Variants in SGCZ observed in about 807,000 individuals in gnomAD.
The protein encoded by SGCZ is zeta-sarcoglycan.
In SGCZ, 40 loss-of-function variants were observed where a neutral mutation model predicts 41.3. The observed-to-expected ratio is 0.97, with a 90% CI of 0.75 to 1.26. The LOEUF is 1.26. SGCZ is among the 50% of genes most tolerant of loss of function. SGCZ has a pLI of 0.00. For missense variants in SGCZ, 552 were observed against 369.8 expected (o/e 1.49, Z -4.04); for synonymous variants, 206 against 137.5 (o/e 1.50, Z -3.49).
intron 3 of SGCZ, among the ~76,000 whole-genome samples, chr8:14,270,192 T>A (rs1420133039): frequency 6.6e-6 from 1 of 151,910 alleles, no homozygotes; most frequent in African/African-American, 2.4e-5. Flanking sequence ...ATTAGCTGGT[T>A]GTGGTGACCC....
At chr8:14,408,156 A>G (rs1326947584) in intron 2 of SGCZ, among the ~76,000 whole-genome samples, 1 of 152,156 alleles carries the variant, frequency 6.6e-6, no homozygotes, top group African/African-American at 2.4e-5. Context: ...AAGAAAAATT[A>G]TGATGTTTTT....
intron 1 of SGCZ, among the ~76,000 whole-genome samples, chr8:14,924,920 C>T (rs1445330488): frequency 6.7e-6 from 1 of 149,686 alleles, no homozygotes; most frequent in Non-Finnish European, 1.5e-5. Context: ...TGCAATGTCG[C>T]CATCTCAGCT....
rs190040980 is a variant in SGCZ, at chr8:14,985,233, T to A, written c.39+252352A>T. ...AAAGAAAACTGTATCAAGGTGCCTT[T>A]TTTTCTATATTATCCCTTAGAATGG... On this transcript the variant is annotated intron_variant, in intron 1 of 7. Coordinates refer to ENST00000382080, the MANE Select transcript of SGCZ (RefSeq NM_139167.4). Among the ~76,000 whole-genome samples, 109 of 152,322 alleles carry A rather than the reference T, an allele frequency of 7.2e-4. 1 individual carries two copies. The highest frequency in any genetic ancestry group is 2.9e-4 in the Non-Finnish European group (20 of 68,026).
At chr8:14,733,872 G>T (rs574806328) in intron 1 of SGCZ, among the ~76,000 whole-genome samples, 1 of 152,238 alleles carries the variant, frequency 6.6e-6, no homozygotes, top group South Asian at 2.1e-4. Flanking sequence ...TTTGTTAATC[G>T]TATACCCATG....
At chr8:14,995,041 A>G (rs1802165537) in intron 1 of SGCZ, among the ~76,000 whole-genome samples, 3 of 152,244 alleles carry the variant, frequency 2.0e-5, no homozygotes, top group African/African-American at 4.8e-5. Flanking sequence ...GGACCATGAG[A>G]AATCTAACAT....
At chr8:14,383,948 TTTTC>T (rs901313789) in intron 2 of SGCZ, among the ~76,000 whole-genome samples, 1 of 151,832 alleles carries the variant, frequency 6.6e-6, no homozygotes, top group African/African-American at 2.4e-5. Flanking sequence ...ATATTTTGAA[TTTTC>T]TTTTTTTTCT....
intron 1 of SGCZ, among the ~76,000 whole-genome samples, chr8:14,751,649 TAA>T (rs750794018): frequency 3.3e-5 from 5 of 152,152 alleles, no homozygotes; most frequent in East Asian, 1.9e-4. Context: ...GCCTAGCATT[TAA>T]AACCTGAGAG....
chr8:14,730,954 A>C (rs907961702), intron 1 of SGCZ, among the ~76,000 whole-genome samples: 4 of 151,948 alleles, frequency 2.6e-5, no homozygotes, highest in Admixed American at 2.0e-4. Context: ...AAATTAGTTC[A>C]ACCATTGTGG....
intron 5 of SGCZ, among the ~76,000 whole-genome samples, chr8:14,160,978 C>T (rs1452595585): frequency 6.6e-6 from 1 of 152,170 alleles, no homozygotes; most frequent in African/African-American, 2.4e-5. Flanking sequence ...ATTTTAATTC[C>T]TATAAATATT....
intron 4 of SGCZ, among the ~76,000 whole-genome samples, chr8:14,212,686 A>G (rs997451935): frequency 6.6e-6 from 1 of 152,152 alleles, no homozygotes; most frequent in Non-Finnish European, 1.5e-5. Context: ...TCATAGCAAG[A>G]AGAAGGGAAA....
At chr8:14,994,919 C>T (rs1297809339) in intron 1 of SGCZ, among the ~76,000 whole-genome samples, 1 of 152,230 alleles carries the variant, frequency 6.6e-6, no homozygotes, top group Non-Finnish European at 1.5e-5. Flanking sequence ...TCCTCAACAC[C>T]TTTCCTGCCA....
intron 1 of SGCZ, among the ~76,000 whole-genome samples, chr8:14,862,347 G>A (rs1803777588): frequency 6.6e-6 from 1 of 151,672 alleles, no homozygotes; most frequent in African/African-American, 2.4e-5. Flanking sequence ...CTTCCCAGTG[G>A]CACAACAGAT....
intron 1 of SGCZ, among the ~76,000 whole-genome samples, chr8:14,765,274 C>T (rs980382435): frequency 1.3e-5 from 2 of 152,146 alleles, no homozygotes; most frequent in African/African-American, 4.8e-5. Flanking sequence ...TATTTAATAA[C>T]CTTTTCAATG....
chr8:14,807,925 C>T (rs1302498448), intron 1 of SGCZ, among the ~76,000 whole-genome samples: 8 of 151,746 alleles, frequency 5.3e-5, no homozygotes, highest in South Asian at 2.1e-4. Context: ...GAAATAACGC[C>T]GCATATCTAC....
At chr8:15,102,076 T>C (rs1030280978) in intron 1 of SGCZ, among the ~76,000 whole-genome samples, 1 of 152,170 alleles carries the variant, frequency 6.6e-6, no homozygotes, top group African/African-American at 2.4e-5. Context: ...CAAAATTAAA[T>C]GAAAATTTAT....
intron 1 of SGCZ, among the ~76,000 whole-genome samples, chr8:14,568,463 AAAG>A (rs1175617118): frequency 1.4e-5 from 2 of 146,102 alleles, no homozygotes; most frequent in East Asian, 4.0e-4. Flanking sequence ...AAAAAAAACT[AAAG>A]AAGATGCTTA....
At chr8:15,205,933 T>A (rs1801046308) in intron 1 of SGCZ, among the ~76,000 whole-genome samples, 1 of 152,180 alleles carries the variant, frequency 6.6e-6, no homozygotes, top group South Asian at 2.1e-4. Flanking sequence ...GTGTCTTTTG[T>A]GGGAACATGG....
chr8:14,736,848 A>T (rs1799049797), intron 1 of SGCZ, among the ~76,000 whole-genome samples: 1 of 152,102 alleles, frequency 6.6e-6, no homozygotes, highest in African/African-American at 2.4e-5. Context: ...AAAGTAGTAC[A>T]ATCTGATCCA....
intron 1 of SGCZ, among the ~76,000 whole-genome samples, chr8:15,044,101 T>C (rs1804211851): frequency 6.6e-6 from 1 of 152,226 alleles, no homozygotes; most frequent in South Asian, 2.1e-4. Context: ...TGTTGATTTA[T>C]TTACAAATAA....
Sources: gnomAD v4.1 joint callset for allele counts (sites outside exome capture counted in the v4.1 genomes callset) on GRCh38, gnomAD v4.1.1 for gene constraint, MANE v1.5 for transcripts, NCBI Gene and HGNC (gene_info 2026-07-23, HGNC 2026-07-21) for gene names.